Variants in TCF4 observed in about 807,000 individuals in gnomAD.
The protein encoded by TCF4 is transcription factor 4, also known as SL3-3 enhancer factor 2.
Under a neutral mutation model 82.1 loss-of-function variants are expected in TCF4, and 3 were observed. The observed-to-expected ratio is 0.04, with a 90% CI of 0.02 to 0.09. The LOEUF (loss-of-function observed/expected upper bound fraction) is 0.09. Ranked by LOEUF, TCF4 falls within the 10% of genes least tolerant of loss-of-function variation. TCF4 has a pLI of 1.00. For synonymous variants in TCF4, 276 were observed against 309.6 expected, an observed-to-expected ratio of 0.89 and a Z score of 1.14; for missense variants, 518 against 852.7, an observed-to-expected ratio of 0.61 and a Z score of 4.89.
intron 3 of TCF4, among the ~76,000 whole-genome samples, chr18:55,573,901 T>A (rs1009567091): frequency 5.3e-5 from 8 of 152,196 alleles, no homozygotes; most frequent in Non-Finnish European, 1.0e-4. Flanking sequence ...AGATGCTCAA[T>A]AATCATCTAC....
chr18:55,330,798 A>C (rs990640172), intron 8 of TCF4, among the ~76,000 whole-genome samples: 5 of 151,794 alleles, frequency 3.3e-5, no homozygotes, highest in African/African-American at 1.2e-4. Context: ...TGAACTCCTG[A>C]CCTCGTGATC....
At chr18:55,622,590 T>C (rs2097722502) in intron 2 of TCF4, among the ~76,000 whole-genome samples, 1 of 151,972 alleles carries the variant, frequency 6.6e-6, no homozygotes, top group African/African-American at 2.4e-5. Context: ...TTTTCAGAGT[T>C]GGACATGCAC....
At chr18:55,297,051 T>G (rs1395806296) in intron 8 of TCF4, among the ~76,000 whole-genome samples, 4 of 152,078 alleles carry the variant, frequency 2.6e-5, no homozygotes, top group Admixed American at 2.6e-4. Flanking sequence ...GAAGCTTAAT[T>G]CATATGTTTC....
At chr18:55,471,438 C>G (rs1360204745) in intron 3 of TCF4, among the ~76,000 whole-genome samples, 1 of 152,160 alleles carries the variant, frequency 6.6e-6, no homozygotes, top group South Asian at 2.1e-4. Context: ...CGATGGCTCA[C>G]GCCTATAATC....
Position 55,512,484 on chromosome 18 carries a change from C to T in TCF4, c.146-48347G>A, listed in dbSNP as rs139039811. ...ATTGGCTATCTCCACAATGAGGATA[C>T]GTTACATTTTAATAAAAAATAAAAT... On this transcript the variant is annotated intron_variant, in intron 3 of 19. Transcript: ENST00000354452. 1.2e-3 allele frequency among the ~76,000 whole-genome samples: 180 copies of T among 152,074 alleles called. 9 individuals are homozygous for T. Among genetic ancestry groups the T allele is most frequent in the Non-Finnish European group, 7.5e-4 (51 of 67,950 alleles).
At chr18:55,266,197 G>A (rs1350991159) in intron 11 of TCF4, 1 of 152,120 alleles carries the variant, frequency 6.6e-6, no homozygotes, top group Non-Finnish European at 1.5e-5. Context: ...AAATAGGAAG[G>A]AAGTATGTGG....
At chr18:55,257,635 T>G (rs1312827478) in intron 13 of TCF4, 1 of 562,922 alleles carries the variant, frequency 1.8e-6, no homozygotes, top group East Asian at 3.0e-5. Context: ...AAAGAGAACA[T>G]TTAATTGATT....
intron 6 of TCF4, among the ~76,000 whole-genome samples, chr18:55,370,472 G>GACAT (rs1377268656): frequency 6.6e-6 from 1 of 151,726 alleles, no homozygotes; most frequent in Non-Finnish European, 1.5e-5. Context: ...TAGATAGATA[G>GACAT]ATAGACAGAC....
At chr18:55,609,747 T>A (rs182845130) in intron 2 of TCF4, among the ~76,000 whole-genome samples, 4 of 152,276 alleles carry the variant, frequency 2.6e-5, no homozygotes, top group African/African-American at 9.6e-5. Flanking sequence ...CAAGCATCCT[T>A]CCTCAGGGCC....
intron 3 of TCF4, among the ~76,000 whole-genome samples, chr18:55,505,490 A>G (rs991955517): frequency 6.6e-6 from 1 of 152,274 alleles, no homozygotes; most frequent in African/African-American, 2.4e-5. Context: ...CCGCCACTGT[A>G]CAGATAAGAA....
intron 14 of TCF4, among the ~76,000 whole-genome samples, chr18:55,255,874 G>T (rs534442518): frequency 1.1e-4 from 16 of 152,138 alleles, no homozygotes; most frequent in Non-Finnish European, 2.4e-4. Context: ...GTGCAAACAA[G>T]TGTACCAGCT....
intron 3 of TCF4, among the ~76,000 whole-genome samples, chr18:55,481,084 A>G (rs1455848896): frequency 1.4e-5 from 2 of 141,386 alleles, no homozygotes; most frequent in Non-Finnish European, 3.0e-5. Flanking sequence ...AACCTGGGCA[A>G]CAGAGCAAGA....
chr18:55,575,726 C>A (rs1374684354), intron 3 of TCF4, among the ~76,000 whole-genome samples: 3 of 152,118 alleles, frequency 2.0e-5, no homozygotes, highest in Admixed American at 6.5e-5. Context: ...GAGAAAGACA[C>A]TTTAATCTGA....
chr18:55,407,270 C>T (rs2094138679), intron 5 of TCF4, among the ~76,000 whole-genome samples: 1 of 152,118 alleles, frequency 6.6e-6, no homozygotes, highest in South Asian at 2.1e-4. Context: ...ATTTCATAAA[C>T]TAAGTCGACA....
intron 5 of TCF4, among the ~76,000 whole-genome samples, chr18:55,406,347 C>T (rs1356010912): frequency 6.6e-6 from 1 of 152,056 alleles, no homozygotes; most frequent in Non-Finnish European, 1.5e-5. Context: ...AATAATCAGG[C>T]ACTGTGGATA....
intron 8 of TCF4, among the ~76,000 whole-genome samples, chr18:55,295,277 T>A (rs1761205343): frequency 6.6e-6 from 1 of 152,226 alleles, no homozygotes; most frequent in Admixed American, 6.5e-5. Context: ...AGGTGTGTCA[T>A]TCCTTACCTG....
chr18:55,472,373 G>A (rs2096202921), intron 3 of TCF4, among the ~76,000 whole-genome samples: 1 of 152,162 alleles, frequency 6.6e-6, no homozygotes. Context: ...TTATATATTT[G>A]GAGGTGTCAA....
At chr18:55,255,723 A>G (rs548211063) in intron 14 of TCF4, among the ~76,000 whole-genome samples, 12 of 152,304 alleles carry the variant, frequency 7.9e-5, no homozygotes, top group Middle Eastern at 6.8e-3. Context: ...TGAGGCTCAA[A>G]GACACAAAGT....
chr18:55,365,158 T>TAC (rs2086551614), intron 6 of TCF4, among the ~76,000 whole-genome samples: 2 of 36,866 alleles, frequency 5.4e-5, no homozygotes, highest in African/African-American at 5.8e-4. Context: ...ATCTCCAAAA[T>TAC]ATATATATAT....
Sources: allele counts gnomAD v4.1 joint callset (sites outside exome capture counted in the v4.1 genomes callset), GRCh38; gene constraint gnomAD v4.1.1; transcripts MANE v1.5; gene names NCBI Gene and HGNC (gene_info 2026-07-23, HGNC 2026-07-21).